Variants in RAD51D observed in about 807,000 individuals in gnomAD.
RAD51D encodes the protein RAD51 paralog D.
Under a neutral mutation model 44.1 loss-of-function variants are expected in RAD51D, and 38 were observed. The observed-to-expected ratio is 0.86, with a 90% confidence interval of 0.67 to 1.13. RAD51D has a LOEUF of 1.13. Among genes scored for constraint, RAD51D ranks in the 50% most tolerant of loss-of-function variants. The probability of loss-of-function intolerance (pLI) is 0.00; values close to 1 mark genes in which losing one functional copy is unlikely to be tolerated. For synonymous variants in RAD51D, 141 were observed against 166.6 expected (o/e 0.85, Z 1.18); for missense variants, 390 against 414.0 (o/e 0.94, Z 0.50).
chr17:35,118,467 CCT>C, intron 3 of RAD51D, 32 bp downstream of exon 3: 1 of 1,576,800 alleles, frequency 6.3e-7, no homozygotes, highest in African/African-American at 1.3e-5. Flanking sequence ...CATCCTCCTG[CCT>C]CTCTCCTTCT....
intron 3 of RAD51D, among the ~76,000 whole-genome samples, chr17:35,112,320 C>CCCA (rs1211323304): frequency 6.6e-6 from 1 of 152,154 alleles, no homozygotes; most frequent in Non-Finnish European, 1.5e-5. Flanking sequence ...TTGTGATCTG[C>CCCA]CCACCTCAGC....
chr17:35,113,381 G>A (rs969246920), intron 3 of RAD51D, among the ~76,000 whole-genome samples: 2 of 152,102 alleles, frequency 1.3e-5, no homozygotes, highest in Non-Finnish European at 2.9e-5. Flanking sequence ...CAATTCTCCT[G>A]CCTCAGCCTC....
chr17:35,115,774 T>C (rs1166249724), intron 3 of RAD51D, among the ~76,000 whole-genome samples: 1 of 151,058 alleles, frequency 6.6e-6, no homozygotes, highest in Non-Finnish European at 1.5e-5. Context: ...GGAGGCTGAG[T>C]CAGGAGAATC....
chr17:35,116,011 A>AAGGC (rs1555569906), intron 3 of RAD51D, among the ~76,000 whole-genome samples: 2 of 151,234 alleles, frequency 1.3e-5, no homozygotes, highest in Non-Finnish European at 3.0e-5. Flanking sequence ...GAAAGAAAGA[A>AAGGC]AGGCTAGAAA....
At position 35,099,499 on chromosome 17, in the gene RAD51D, GATTA is replaced by G; in HGVS notation, c.*1450_*1453del. 1 of 252,926 alleles carries G rather than the reference GATTA, an allele frequency of 4.0e-6. No homozygotes were observed. The highest frequency in any genetic ancestry group is 7.8e-6 in the Non-Finnish European group (1 of 127,478). The allele number at this position is 252,926 out of a possible 1,614,324, so 15.7% of individuals were successfully genotyped here. A position where few individuals can be genotyped will look rare whatever the true frequency, so the allele number is the denominator to read the frequency against. On this transcript the variant is annotated 3_prime_UTR_variant, in exon 10 of 10. Transcript: ENST00000345365. ...TCACCCATGGTATAAAGATACTGAAGATTAATTTCTCCTGAGGTCTTCTGTGAAA... is the reference window on the plus strand; with the variant it reads ...TCACCCATGGTATAAAGATACTGAAGATTTCTCCTGAGGTCTTCTGTGAAA...
At chr17:35,115,951 A>AGGAAG (rs1773383632) in intron 3 of RAD51D, among the ~76,000 whole-genome samples, 2 of 127,318 alleles carry the variant, frequency 1.6e-5, no homozygotes, top group Admixed American at 8.4e-5. Flanking sequence ...AAGAAAAGGA[A>AGGAAG]GAAAGGAAAG....
rs184375953 is a variant in RAD51D, at chr17:35,110,882, G to A, written c.264-3435C>T. On this transcript the variant is annotated intron_variant, in intron 3 of 9. Coordinates refer to ENST00000345365, the MANE Select transcript of RAD51D (RefSeq NM_002878.4). ...AGCACTTTGGGAGGCCGAGGCGGGC[G>A]ATCACCTGAGGTCAGGAGTTCAAGA... 2.5e-3 allele frequency among the ~76,000 whole-genome samples: 385 copies of A among 151,872 alleles called. 1 individual carries two copies. Among genetic ancestry groups the A allele is most frequent in the South Asian group, 0.014 (68 of 4,814 alleles).
chr17:35,101,443 G>T (rs2142413198), intron 8 of RAD51D, 78 bp from the exon 9 acceptor site: 2 of 1,455,736 alleles, frequency 1.4e-6, no homozygotes, highest in African/African-American at 1.4e-5. Flanking sequence ...TTTACGGAGA[G>T]GAAAACAGAG....
chr17:35,117,714 G>A (rs750411129), intron 3 of RAD51D, among the ~76,000 whole-genome samples: 2 of 152,148 alleles, frequency 1.3e-5, no homozygotes, highest in African/African-American at 2.4e-5. Context: ...AGCAGGCCAG[G>A]CAGGTCTCAA....
chr17:35,104,345 A>G (rs868026879), intron 6 of RAD51D, among the ~76,000 whole-genome samples: 2 of 152,010 alleles, frequency 1.3e-5, no homozygotes, highest in Non-Finnish European at 1.5e-5. Flanking sequence ...CTCCTTCTAG[A>G]TCATGCCTCT....
intron 5 of RAD51D, 80 bp from the exon 6 acceptor site, chr17:35,106,561 C>T (rs28363273): frequency 2.9e-6 from 3 of 1,024,432 alleles, no homozygotes; most frequent in African/African-American, 3.2e-5. Flanking sequence ...AAGGAAGAGG[C>T]ACCTGGATGC....
chr17:35,110,205 C>A (rs992666088), intron 3 of RAD51D, among the ~76,000 whole-genome samples: 2 of 152,108 alleles, frequency 1.3e-5, no homozygotes, highest in African/African-American at 2.4e-5. Context: ...AACTCCTGGG[C>A]TCAAGCAATC....
At chr17:35,114,251 G>A (rs1483918336) in intron 3 of RAD51D, among the ~76,000 whole-genome samples, 2 of 151,856 alleles carry the variant, frequency 1.3e-5, no homozygotes, top group Non-Finnish European at 2.9e-5. Flanking sequence ...CAGCCTGGGC[G>A]ACAGAGCAAG....
At chr17:35,106,566 G>A in intron 5 of RAD51D, 85 bp from the exon 6 acceptor site, 1 of 973,996 alleles carries the variant, frequency 1.0e-6, no homozygotes, top group Non-Finnish European at 1.6e-6. Context: ...AGAGGCACCT[G>A]GATGCAAGGA....
chr17:35,103,138 T>G lies in RAD51D; in HGVS notation c.738+116A>C. ...AAAGCTGTAGCTGACCCAGGGAAGC[T>G]GGGATATGTCCCTTTCCTAAAGGGC... On this transcript the variant is annotated intron_variant, in intron 8 of 9. Transcript: ENST00000345365. This position sits in a 1 kb window ranked among gnomAD's most constrained non-coding sequence, Gnocchi z 4.1. 3.2e-6 allele frequency: 3 copies of G among 942,892 alleles called. No homozygotes were observed. Among genetic ancestry groups the G allele is most frequent in the Non-Finnish European group, 5.1e-6 (3 of 593,394 alleles). 58.4% of individuals were successfully genotyped at this position (942,892 alleles called of 1,614,324 possible). A position where few individuals can be genotyped will look rare whatever the true frequency, so the allele number is the denominator to read the frequency against.
At position 35,107,130 on chromosome 17, in the gene RAD51D, T is replaced by C. The variant is rs756059587; in HGVS notation, c.346-8A>G. On this transcript the variant is annotated splice_region_variant and splice_polypyrimidine_tract_variant and intron_variant, in intron 4 of 9. Coordinates refer to ENST00000345365, the MANE Select transcript of RAD51D (RefSeq NM_002878.4). ...TGCCATACAGAGACATACCTGGGGG[T>C]GGGGGCATTGGATGAACTTGACACT... 6.2e-7 allele frequency: 1 copy of C among 1,613,422 alleles called. No homozygotes were observed. The highest frequency in any genetic ancestry group is 1.3e-5 in the African/African-American group (1 of 74,760).
chr17:35,109,826 C>G (rs1323677432), intron 3 of RAD51D, among the ~76,000 whole-genome samples: 1 of 152,104 alleles, frequency 6.6e-6, no homozygotes, highest in Non-Finnish European at 1.5e-5. Flanking sequence ...CACCACCACG[C>G]CTGGCTAATT....
In RAD51D at chr17:35,096,565, T is replaced by G. The variant is rs1262497056; in HGVS notation, c.*4388A>C. The G allele has an allele frequency of 1.3e-5, 2 of 152,208 alleles. No individual in the cohort carries two copies. The highest frequency in any genetic ancestry group is 2.9e-5 in the Non-Finnish European group (2 of 68,080). The allele number at this position is 152,208 out of a possible 1,614,324, so 9.4% of individuals were successfully genotyped here. ...ACCTCAGACTTCCTGTTATCAGAGA[T>G]AATAAGTGTCCCTGCCAGGCATGGT... On this transcript the variant is annotated 3_prime_UTR_variant, in exon 10 of 10. Transcript: ENST00000345365.
At chr17:35,111,368 AG>A (rs1289619490) in intron 3 of RAD51D, among the ~76,000 whole-genome samples, 57 of 143,708 alleles carry the variant, frequency 4.0e-4, no homozygotes, top group Admixed American at 3.5e-4. Context: ...AAAAAAAAAA[AG>A]AGAGAGAGAG....
Sources: allele counts gnomAD v4.1 joint callset (sites outside exome capture counted in the v4.1 genomes callset), GRCh38; gene constraint gnomAD v4.1.1; non-coding constraint Gnocchi (gnomAD v3.1); transcripts MANE v1.5; gene names NCBI Gene and HGNC (gene_info 2026-07-23, HGNC 2026-07-21).